QTMAN: variants seen among roughly 807,000 people sequenced by gnomAD.
The protein encoded by QTMAN is queuosine-tRNA mannosyltransferase, also known as tRNA-queuosine alpha-mannosyltransferase.
the QTMAN span, among the ~76,000 whole-genome samples, chr2:144,153,834 G>A: frequency 5.3e-5 from 8 of 152,250 alleles, no homozygotes; most frequent in East Asian, 5.8e-4. Flanking sequence ...AGAAAACCAC[G>A]TATCGTGCAA....
chr2:144,313,257 G>A, the QTMAN span, among the ~76,000 whole-genome samples: 1 of 152,148 alleles, frequency 6.6e-6, no homozygotes, highest in African/African-American at 2.4e-5. Context: ...AGGTGTTGAG[G>A]GTGAACCAAG....
At chr2:144,244,150 C>T in the QTMAN span, among the ~76,000 whole-genome samples, 4 of 152,168 alleles carry the variant, frequency 2.6e-5, no homozygotes, top group African/African-American at 9.7e-5. Flanking sequence ...TCCCTTTGGG[C>T]TCAGGGTTCC....
At chr2:144,274,074 C>A in the QTMAN span, among the ~76,000 whole-genome samples, 1 of 152,170 alleles carries the variant, frequency 6.6e-6, no homozygotes, top group Non-Finnish European at 1.5e-5. Context: ...GCAGAGGTTG[C>A]AGTAGGCCGA....
At chr2:144,071,978 A>G in the QTMAN span, among the ~76,000 whole-genome samples, 1 of 152,212 alleles carries the variant, frequency 6.6e-6, no homozygotes, top group Non-Finnish European at 1.5e-5. Context: ...AAAGCTTTGC[A>G]TCTGTTTGCC....
At chr2:144,109,899 T>G in the QTMAN span, among the ~76,000 whole-genome samples, 1 of 152,162 alleles carries the variant, frequency 6.6e-6, no homozygotes, top group Non-Finnish European at 1.5e-5. Flanking sequence ...CAACTGGTGC[T>G]GGAGAGGATG....
the QTMAN span, among the ~76,000 whole-genome samples, chr2:144,190,261 A>G: frequency 3.3e-5 from 5 of 152,184 alleles, no homozygotes. Flanking sequence ...TCTATTTTGT[A>G]TATGGTTAAA....
chr2:144,122,464 C>A, the QTMAN span, among the ~76,000 whole-genome samples: 1 of 152,152 alleles, frequency 6.6e-6, no homozygotes, highest in African/African-American at 2.4e-5. Flanking sequence ...AAACACTGCA[C>A]AAATGGCCAG....
chr2:144,230,042 C>T, the QTMAN span, among the ~76,000 whole-genome samples: 3 of 152,148 alleles, frequency 2.0e-5, no homozygotes, highest in African/African-American at 7.2e-5. Context: ...AATGACAAAT[C>T]TCCCTTGTTT....
the QTMAN span, among the ~76,000 whole-genome samples, chr2:144,068,878 A>G: frequency 6.6e-6 from 1 of 152,226 alleles, no homozygotes; most frequent in South Asian, 2.1e-4. Flanking sequence ...AAATTCAACA[A>G]TCACTTTCTG....
the QTMAN span, among the ~76,000 whole-genome samples, chr2:144,112,598 G>C: frequency 6.6e-6 from 1 of 152,182 alleles, no homozygotes; most frequent in Non-Finnish European, 1.5e-5. Context: ...CTTCTACTCT[G>C]CCCAACACCA....
the QTMAN span, among the ~76,000 whole-genome samples, chr2:144,271,651 TAAAA>T: frequency 6.6e-6 from 1 of 152,160 alleles, no homozygotes; most frequent in African/African-American, 2.4e-5. Context: ...GGAAGAAGTT[TAAAA>T]AACATTTCAG....
the QTMAN span, among the ~76,000 whole-genome samples, chr2:144,294,176 G>A: frequency 2.0e-5 from 3 of 152,082 alleles, no homozygotes; most frequent in African/African-American, 7.2e-5. Context: ...TCTCTTACAA[G>A]TTAAATGACT....
the QTMAN span, among the ~76,000 whole-genome samples, chr2:144,091,613 G>C: frequency 6.6e-6 from 1 of 152,106 alleles, no homozygotes; most frequent in African/African-American, 2.4e-5. Context: ...TGCTTTGGCA[G>C]ACTTTGGTGA....
At chr2:144,293,037 G>T in the QTMAN span, among the ~76,000 whole-genome samples, 3 of 152,080 alleles carry the variant, frequency 2.0e-5, no homozygotes, top group Non-Finnish European at 4.4e-5. Flanking sequence ...TGCCAGACTG[G>T]AGTATATATG....
the QTMAN span, among the ~76,000 whole-genome samples, chr2:144,092,992 G>C: frequency 1.3e-5 from 2 of 151,684 alleles, no homozygotes; most frequent in Non-Finnish European, 2.9e-5. Flanking sequence ...TGGACATAAA[G>C]TGAAGAAAAA....
At chr2:144,197,917 A>G in the QTMAN span, among the ~76,000 whole-genome samples, 1 of 152,070 alleles carries the variant, frequency 6.6e-6, no homozygotes, top group East Asian at 1.9e-4. Flanking sequence ...AAAAAGCATC[A>G]TTTCCCCTTA....
the QTMAN span, among the ~76,000 whole-genome samples, chr2:144,305,175 T>C: frequency 6.6e-6 from 1 of 152,204 alleles, no homozygotes; most frequent in Admixed American, 6.5e-5. Context: ...AGGCTTTGAC[T>C]AACCCAAGAA....
chr2:144,314,265 A>G, the QTMAN span, among the ~76,000 whole-genome samples: 2 of 152,350 alleles, frequency 1.3e-5, no homozygotes, highest in Non-Finnish European at 2.9e-5. Flanking sequence ...CAAAAACATT[A>G]TGTTGAGGAA....
chr2:144,098,835 C>A, the QTMAN span, among the ~76,000 whole-genome samples: 1 of 150,810 alleles, frequency 6.6e-6, no homozygotes, highest in African/African-American at 2.4e-5. Context: ...AAATTACAAC[C>A]TATTTCTCTT....
Sources: allele counts gnomAD v4.1 joint callset (sites outside exome capture counted in the v4.1 genomes callset), GRCh38; gene constraint gnomAD v4.1.1; transcripts MANE v1.5; gene names NCBI Gene and HGNC (gene_info 2026-07-23, HGNC 2026-07-21).